Variants in PTPRG observed in about 807,000 individuals in gnomAD.
PTPRG encodes the protein receptor-type tyrosine-protein phosphatase gamma.
A neutral mutation model predicts 165.3 loss-of-function variants in PTPRG; 102 were observed. The ratio of observed to expected loss-of-function variants is 0.62; its 90% CI spans 0.53 to 0.73. The LOEUF (loss-of-function observed/expected upper bound fraction) is 0.73. PTPRG is among the 30% of genes least tolerant of loss of function. The probability of loss-of-function intolerance (pLI) is 0.00; values close to 1 mark genes in which losing one functional copy is unlikely to be tolerated. For synonymous variants in PTPRG, 675 were observed against 669.5 expected, an observed-to-expected ratio of 1.01 and a Z score of -0.13; for missense variants, 1,866 against 1,861.4, an observed-to-expected ratio of 1.00 and a Z score of -0.05.
chr3:62,238,772 A>AAG (rs140872602), intron 14 of PTPRG, among the ~76,000 whole-genome samples: 5 of 151,816 alleles, frequency 3.3e-5, no homozygotes, highest in Non-Finnish European at 5.9e-5. Context: ...CTTTACTGAT[A>AAG]AGAGAGAGAG....
intron 2 of PTPRG, among the ~76,000 whole-genome samples, chr3:61,926,635 C>CCTTCCTTCCTTCCTTCCTT (rs1575792353): frequency 7.9e-6 from 1 of 126,006 alleles, no homozygotes; most frequent in East Asian, 2.8e-4. Context: ...TTCCTTCCTT[C>CCTTCCTTCCTTCCTTCCTT]CACTAACATC....
chr3:62,065,711 C>T (rs771882808), intron 4 of PTPRG, among the ~76,000 whole-genome samples: 2 of 152,036 alleles, frequency 1.3e-5, no homozygotes, highest in Non-Finnish European at 2.9e-5. Flanking sequence ...TTGTAAGGAC[C>T]CTCCCAGTGG....
chr3:61,654,925 G>T (rs1702467257), intron 1 of PTPRG, among the ~76,000 whole-genome samples: 1 of 151,626 alleles, frequency 6.6e-6, no homozygotes, highest in South Asian at 2.1e-4. Context: ...AGGATTTTAG[G>T]TGCCCACCAC....
At position 62,003,352 on chromosome 3, in the gene PTPRG, C is replaced by T. The variant is rs773413749; in HGVS notation, c.374C>T (p.Ala125Val). The change falls in exon 4 of 30, where the codon GCC (alanine) becomes GTC (valine). Residue 125 changes from alanine to valine, a missense_variant. Coordinates refer to ENST00000474889, the MANE Select transcript of PTPRG (RefSeq NM_002841.4). ...TWMKNTGKTVAILLKDDYFVS... is the reference protein window; with the variant it reads ...TWMKNTGKTVVILLKDDYFVS... ...TCTTCTCATTTGTTTCACACAGTCGCCATCCTTCTGAAAGACGACTATTTT... is the reference window on the plus strand; with the variant it reads ...TCTTCTCATTTGTTTCACACAGTCGTCATCCTTCTGAAAGACGACTATTTT... 1 of 1,613,524 alleles carries T rather than the reference C, an allele frequency of 6.2e-7. No individual in the cohort carries two copies. Among genetic ancestry groups the T allele is most frequent in the South Asian group, 1.1e-5 (1 of 90,994 alleles).
At chr3:61,926,122 A>G (rs2039203002) in intron 2 of PTPRG, among the ~76,000 whole-genome samples, 1 of 152,202 alleles carries the variant, frequency 6.6e-6, no homozygotes, top group African/African-American at 2.4e-5. Context: ...TGGAGAGGTA[A>G]TGGAGGGCTA....
rs898971809 is a variant in PTPRG at position 62,189,676 on chromosome 3, G to A, written c.1034-1793G>A. Reference sequence around the variant, plus strand: ...GGTCTTCCAGCAATTGGCCATTGCCGCCCCTCCTCACAGGCCCCCTCCTCC... The same window carrying A: ...GGTCTTCCAGCAATTGGCCATTGCCACCCCTCCTCACAGGCCCCCTCCTCC... On this transcript the variant is annotated intron_variant, in intron 8 of 29. Coordinates refer to ENST00000474889, the MANE Select transcript of PTPRG (RefSeq NM_002841.4). Among the ~76,000 whole-genome samples the A allele has an allele frequency of 1.1e-4, 16 of 152,188 alleles. No individual in the cohort carries two copies. In the East Asian group the frequency reaches 2.9e-3, roughly 28 times the overall value.
chr3:61,600,054 A>G (rs1395297568), intron 1 of PTPRG, among the ~76,000 whole-genome samples: 1 of 151,512 alleles, frequency 6.6e-6, no homozygotes, highest in African/African-American at 2.4e-5. Context: ...CAGCTAATCA[A>G]GAGGCTGAGA....
In PTPRG at chr3:62,273,968, G is replaced by A. The variant is rs530000770; in HGVS notation, c.3465+124G>A. 1.5e-4 allele frequency: 142 copies of A among 931,070 alleles called. No homozygotes were observed. The African/African-American group carries it at 2.0e-3, about 13-fold the overall frequency. 57.7% of individuals were successfully genotyped at this position (931,070 alleles called of 1,614,324 possible). On this transcript the variant is annotated intron_variant, in intron 23 of 29. Transcript: ENST00000474889. The surrounding 1 kb of genome is among the most constrained non-coding windows in gnomAD (Gnocchi z 4.1). ...AAATGGATTACTATTTGTACTCCTT[G>A]TACTCCTTAAATGTGATGAAAAAGA... is the stretch of plus-strand genomic sequence containing the variant.
intron 1 of PTPRG, among the ~76,000 whole-genome samples, chr3:61,677,640 T>C (rs1703278052): frequency 6.6e-6 from 1 of 152,226 alleles, no homozygotes; most frequent in Admixed American, 6.5e-5. Flanking sequence ...AAAAGTTCCT[T>C]TTCTCTCTGT....
chr3:62,144,507 A>G (rs1045641285), intron 6 of PTPRG, among the ~76,000 whole-genome samples: 7 of 152,252 alleles, frequency 4.6e-5, no homozygotes, highest in African/African-American at 1.4e-4. Context: ...GAACATCTCA[A>G]CATGCAACAA....
In PTPRG at chr3:61,692,309, C is replaced by G. The variant is rs72878418; in HGVS notation, c.86-56569C>G. ...ATACATCCTTGCATTCAACTTTGAG[C>G]TGGGGTTTTTCAGCTATAAAATGTA... On this transcript the variant is annotated intron_variant, in intron 1 of 29. Coordinates refer to ENST00000474889, the MANE Select transcript of PTPRG (RefSeq NM_002841.4). 1.5e-3 allele frequency among the ~76,000 whole-genome samples: 230 copies of G among 152,264 alleles called. 1 individual carries two copies. Among genetic ancestry groups the G allele is most frequent in the African/African-American group, 5.3e-3 (221 of 41,552 alleles).
At chr3:61,830,722 G>A (rs560785216) in intron 2 of PTPRG, among the ~76,000 whole-genome samples, 8 of 151,844 alleles carry the variant, frequency 5.3e-5, no homozygotes, top group African/African-American at 1.4e-4. Context: ...TTACAGGCAC[G>A]CGCCACCACA....
intron 2 of PTPRG, among the ~76,000 whole-genome samples, chr3:61,841,409 T>C (rs2036629371): frequency 6.6e-6 from 1 of 152,200 alleles, no homozygotes; most frequent in Non-Finnish European, 1.5e-5. Context: ...TCTTGTTTCT[T>C]TTAAAAGAAA....
At chr3:61,778,828 C>A (rs1379552638) in intron 2 of PTPRG, among the ~76,000 whole-genome samples, 1 of 152,152 alleles carries the variant, frequency 6.6e-6, no homozygotes, top group East Asian at 1.9e-4. Flanking sequence ...GGCAGAGGGA[C>A]CAACAAGTAT....
intron 1 of PTPRG, among the ~76,000 whole-genome samples, chr3:61,668,330 G>C (rs1280089127): frequency 1.3e-5 from 2 of 152,230 alleles, no homozygotes; most frequent in African/African-American, 4.8e-5. Context: ...TTTGGGGGAA[G>C]AGAAAGGAAC....
At chr3:61,922,593 T>G (rs1328417977) in intron 2 of PTPRG, among the ~76,000 whole-genome samples, 3 of 152,228 alleles carry the variant, frequency 2.0e-5, no homozygotes, top group Non-Finnish European at 2.9e-5. Context: ...GTCTGGAGCA[T>G]GCTCTCCCTC....
intron 2 of PTPRG, among the ~76,000 whole-genome samples, chr3:61,922,917 A>G (rs2107565209): frequency 6.6e-6 from 1 of 152,292 alleles, no homozygotes; most frequent in South Asian, 2.1e-4. Context: ...TTGGGGTTAC[A>G]AGCGTAAGCC....
At chr3:61,748,364 A>G (rs2106912880) in intron 1 of PTPRG, among the ~76,000 whole-genome samples, 1 of 152,294 alleles carries the variant, frequency 6.6e-6, no homozygotes, top group East Asian at 1.9e-4. Flanking sequence ...TCTGCTCCTT[A>G]GTTCCTCCAT....
chr3:62,103,818 C>T (rs535764162), intron 5 of PTPRG, among the ~76,000 whole-genome samples: 87 of 152,292 alleles, frequency 5.7e-4, no homozygotes, highest in African/African-American at 2.0e-3. Flanking sequence ...GGAGTTGTTT[C>T]GTGGTCTCAA....
Sources: allele counts gnomAD v4.1 joint callset (sites outside exome capture counted in the v4.1 genomes callset), GRCh38; gene constraint gnomAD v4.1.1; non-coding constraint Gnocchi (gnomAD v3.1); transcripts MANE v1.5; gene names NCBI Gene and HGNC (gene_info 2026-07-23, HGNC 2026-07-21).